The following GLIS3 variants were observed in gnomAD, a reference collection of about 807,000 sequenced individuals.
GLIS3 encodes GLIS family zinc finger 3.
Under a neutral mutation model 78.6 loss-of-function variants are expected in GLIS3, and 53 were observed. The ratio of observed to expected loss-of-function variants is 0.67; its 90% CI spans 0.54 to 0.85. The LOEUF is 0.85. Among genes scored for constraint, GLIS3 ranks in the 40% least tolerant of loss-of-function variants. The pLI is 0.00. For synonymous variants in GLIS3, 684 were observed against 509.9 expected, an observed-to-expected ratio of 1.34 and a Z score of -4.60; for missense variants, 1,703 against 1,231.1, an observed-to-expected ratio of 1.38 and a Z score of -5.74.
At chr9:4,138,409 T>G (rs1425465572) in intron 2 of GLIS3, among the ~76,000 whole-genome samples, 1 of 152,134 alleles carries the variant, frequency 6.6e-6, no homozygotes, top group African/African-American at 2.4e-5. Context: ...CACCTAATCT[T>G]AAATTGAGTT....
chr9:4,443,948 A>G, the GLIS3 span, among the ~76,000 whole-genome samples: 1 of 152,174 alleles, frequency 6.6e-6, no homozygotes, highest in African/African-American at 2.4e-5. Context: ...GGCCTGGTGT[A>G]GACAGGTTAT....
chr9:3,889,622 C>G (rs1822292761), intron 7 of GLIS3, among the ~76,000 whole-genome samples: 1 of 152,190 alleles, frequency 6.6e-6, no homozygotes, highest in Non-Finnish European at 1.5e-5. Context: ...CTTGATTTCA[C>G]TCAGTCATTT....
chr9:4,283,269 GTTT>G (rs60941880), intron 2 of GLIS3, among the ~76,000 whole-genome samples: 17 of 134,942 alleles, frequency 1.3e-4, no homozygotes, highest in African/African-American at 3.2e-4. Flanking sequence ...TTGTTTTTTT[GTTT>G]TTTTTTTTTT....
At chr9:4,322,154 T>C (rs1350689189) in intron 2 of GLIS3, among the ~76,000 whole-genome samples, 3 of 152,176 alleles carry the variant, frequency 2.0e-5, no homozygotes, top group Admixed American at 1.3e-4. Flanking sequence ...TTGTGATAGT[T>C]TGCTCAGAAT....
chr9:4,132,619 A>T (rs942770869), intron 2 of GLIS3, among the ~76,000 whole-genome samples: 2 of 152,172 alleles, frequency 1.3e-5, no homozygotes, highest in African/African-American at 4.8e-5. Context: ...CACAGAGACA[A>T]TGGTGAGCAA....
intron 4 of GLIS3, among the ~76,000 whole-genome samples, chr9:3,990,946 C>T (rs769353849): frequency 2.8e-4 from 42 of 152,204 alleles, no homozygotes; most frequent in Non-Finnish European, 5.6e-4. Flanking sequence ...CTTTGAAATA[C>T]GGAATGTCTA....
At chr9:4,350,145 A>G (rs987583966), upstream of GLIS3, among the ~76,000 whole-genome samples, 1 of 152,368 alleles carries the variant, frequency 6.6e-6, no homozygotes, top group African/African-American at 2.4e-5. Flanking sequence ...CGCAGAGGTC[A>G]GAGAAGACCG....
the GLIS3 span, among the ~76,000 whole-genome samples, chr9:4,390,085 AAG>A: frequency 6.6e-6 from 1 of 152,238 alleles, no homozygotes; most frequent in South Asian, 2.1e-4. Flanking sequence ...CAGAGGAGAA[AAG>A]AGAGACATTT....
intron 4 of GLIS3, among the ~76,000 whole-genome samples, chr9:3,956,176 C>T (rs1267449885): frequency 6.6e-6 from 1 of 151,606 alleles, no homozygotes; most frequent in African/African-American, 2.4e-5. Flanking sequence ...TTTAGTGTAC[C>T]AGTTGAAAGA....
chr9:4,093,996 T>A (rs1288778160), intron 4 of GLIS3, among the ~76,000 whole-genome samples: 2 of 152,200 alleles, frequency 1.3e-5, no homozygotes, highest in African/African-American at 4.8e-5. Context: ...TTCATTGCTT[T>A]TTTTCATCAT....
At chr9:3,887,804 C>G (rs1044966912) in intron 7 of GLIS3, among the ~76,000 whole-genome samples, 2 of 152,208 alleles carry the variant, frequency 1.3e-5, no homozygotes, top group African/African-American at 4.8e-5. Flanking sequence ...CTGGAAACAT[C>G]TGCATTTCAG....
At chr9:4,423,372 G>T in the GLIS3 span, among the ~76,000 whole-genome samples, 1 of 151,978 alleles carries the variant, frequency 6.6e-6, no homozygotes, top group East Asian at 1.9e-4. Flanking sequence ...CTCCTGGTGG[G>T]CACAAGAGTT....
chr9:3,835,936 A>G (rs187581807), intron 9 of GLIS3, among the ~76,000 whole-genome samples: 1 of 152,366 alleles, frequency 6.6e-6, no homozygotes, highest in East Asian at 1.9e-4. Context: ...ACAAACATAT[A>G]AATGAGAAAT....
chr9:4,231,658 C>T (rs1239416748), intron 2 of GLIS3, among the ~76,000 whole-genome samples: 1 of 152,068 alleles, frequency 6.6e-6, no homozygotes, highest in Non-Finnish European at 1.5e-5. Flanking sequence ...AACGTCAAGG[C>T]CAACAATGTA....
rs573995622 is a variant in GLIS3 at position 4,113,187 on chromosome 9, A to AT, written c.1710+4580dup. ...ATATATATGTAATATATATATGCGTATTTTAATTTTAAACTCCTTTATAGT... is the reference window on the plus strand; with the variant it reads ...ATATATATGTAATATATATATGCGTATTTTTAATTTTAAACTCCTTTATAGT... On this transcript the variant is annotated intron_variant, in intron 4 of 10. Transcript: ENST00000381971. Among the ~76,000 whole-genome samples the AT allele has an allele frequency of 4.6e-5, 7 of 152,170 alleles. No individual in the cohort carries two copies. In the South Asian group the frequency reaches 1.5e-3, roughly 32 times the overall value.
intron 2 of GLIS3, among the ~76,000 whole-genome samples, chr9:4,323,356 CT>C (rs1194248853): frequency 6.6e-6 from 1 of 152,122 alleles, no homozygotes; most frequent in Non-Finnish European, 1.5e-5. Context: ...CTTTTCCTTG[CT>C]TTTAAATTTC....
intron 4 of GLIS3, among the ~76,000 whole-genome samples, chr9:3,970,596 A>G (rs941423823): frequency 6.6e-6 from 1 of 152,204 alleles, no homozygotes; most frequent in African/African-American, 2.4e-5. Context: ...GACAGCCCTC[A>G]TAACAAAGAA....
At chr9:4,404,973 A>T in the GLIS3 span, among the ~76,000 whole-genome samples, 2 of 152,186 alleles carry the variant, frequency 1.3e-5, no homozygotes, top group Middle Eastern at 3.2e-3. Context: ...TGAACCTTTA[A>T]CCAGAGTAAC....
At chr9:4,441,461 C>A in the GLIS3 span, among the ~76,000 whole-genome samples, 2 of 152,158 alleles carry the variant, frequency 1.3e-5, no homozygotes, top group African/African-American at 4.8e-5. Flanking sequence ...ATTGAACCAT[C>A]CTCATTTGCC....
Sources: gnomAD v4.1 joint callset for allele counts (sites outside exome capture counted in the v4.1 genomes callset) on GRCh38, gnomAD v4.1.1 for gene constraint, MANE v1.5 for transcripts, NCBI Gene and HGNC (gene_info 2026-07-23, HGNC 2026-07-21) for gene names.